Variants in RAG1 observed in about 807,000 individuals in gnomAD.
RAG1 encodes the protein recombination activating 1.
RAG1 carries 35 observed loss-of-function variants against 62.7 expected under a neutral mutation model. The ratio of observed to expected loss-of-function variants is 0.56; its 90% CI spans 0.43 to 0.74. The LOEUF (loss-of-function observed/expected upper bound fraction) is 0.74, where lower values mean the gene tolerates loss of function less well. RAG1 is among the 30% of genes least tolerant of loss of function. The probability of loss-of-function intolerance (pLI) is 0.00; values close to 1 mark genes in which losing one functional copy is unlikely to be tolerated. For synonymous variants in RAG1, 461 were observed against 470.3 expected (o/e 0.98, Z 0.26); for missense variants, 1,169 against 1,278.6 (o/e 0.91, Z 1.31).
intron 3 of RAG1, among the ~76,000 whole-genome samples, chr11:36,548,331 A>G (rs557854891): frequency 1.3e-5 from 2 of 152,344 alleles, no homozygotes; most frequent in Non-Finnish European, 2.9e-5. Flanking sequence ...GAGGAAGTCA[A>G]ATTGTCTCTG....
chr11:36,575,299 G>C lies in RAG1; in HGVS notation c.1995G>C (p.Glu665Asp). ...CATTGTGCCTTATGCTGGCAGATGA[G>C]TCTGACCACGAGACGCTGACTGCCA... Reference protein sequence around the residue: ...CKPLCLMLADESDHETLTAIL... With the variant: ...CKPLCLMLADDSDHETLTAIL... The change falls in exon 2 of 2, where the codon GAG becomes GAC. Residue 665 changes from glutamate (E) to aspartate (D), a missense_variant. By Grantham distance (45) the Glu-to-Asp change is conservative. Coordinates refer to ENST00000299440, the MANE Select transcript of RAG1 (RefSeq NM_000448.3). The surrounding 1 kb of genome is among the most constrained non-coding windows in gnomAD (Gnocchi z 4.1). 6.2e-7 allele frequency: 1 copy of C among 1,614,216 alleles called. No individual in the cohort carries two copies. Among genetic ancestry groups the C allele is most frequent in the Non-Finnish European group, 8.5e-7 (1 of 1,180,034 alleles).
chr11:36,536,598 T>C (rs1860329728), downstream of RAG1, among the ~76,000 whole-genome samples: 1 of 146,658 alleles, frequency 6.8e-6, no homozygotes, highest in South Asian at 2.2e-4. Context: ...AAACATTTTG[T>C]ATGTGTAATA....
intron 3 of RAG1, among the ~76,000 whole-genome samples, chr11:36,557,658 A>G (rs1456353065): frequency 6.7e-6 from 1 of 149,274 alleles, no homozygotes; most frequent in Non-Finnish European, 1.5e-5. Flanking sequence ...TTCTTTAAAG[A>G]GTTCAAATGC....
intron 2 of RAG1, among the ~76,000 whole-genome samples, chr11:36,535,476 G>C (rs1389572720): frequency 6.6e-6 from 1 of 152,084 alleles, no homozygotes; most frequent in Non-Finnish European, 1.5e-5. Context: ...TCACATATAG[G>C]CCAGATGTGA....
intron 2 of RAG1, among the ~76,000 whole-genome samples, chr11:36,531,935 G>A (rs550749923): frequency 6.6e-5 from 10 of 151,750 alleles, no homozygotes; most frequent in Non-Finnish European, 1.5e-4. Context: ...GCATGATGTT[G>A]CGTTTTAGAT....
chr11:36,557,690 T>A (rs997563968), intron 3 of RAG1, among the ~76,000 whole-genome samples: 1 of 152,176 alleles, frequency 6.6e-6, no homozygotes, highest in Non-Finnish European at 1.5e-5. Flanking sequence ...GAGGTACTGG[T>A]GGTTAGAAAT....
intron 3 of RAG1, among the ~76,000 whole-genome samples, chr11:36,562,788 G>C (rs1299046225): frequency 6.6e-6 from 1 of 152,160 alleles, no homozygotes; most frequent in African/African-American, 2.4e-5. Context: ...ATGGTATGGA[G>C]GCTTGAAGTA....
chr11:36,571,948 A>T (rs530741088), intron 1 of RAG1, among the ~76,000 whole-genome samples: 1 of 152,280 alleles, frequency 6.6e-6, no homozygotes, highest in South Asian at 2.1e-4. Flanking sequence ...TGTGTGATGC[A>T]TGTAAGATAG....
intron 3 of RAG1, among the ~76,000 whole-genome samples, chr11:36,548,634 A>G (rs1000695461): frequency 2.0e-5 from 3 of 152,238 alleles, no homozygotes; most frequent in Non-Finnish European, 2.9e-5. Flanking sequence ...GACACAAACA[A>G]ATGGCAAAAC....
At position 36,575,579 on chromosome 11, in the gene RAG1, C is replaced by T. The variant is rs749027430; in HGVS notation, c.2275C>T (p.Arg759Cys). ...CAGAAGCCATGCTGAGAACCTGGAACGTTATGAGGTCTGGCGTTCCAACCC... is the reference window on the plus strand; with the variant it reads ...CAGAAGCCATGCTGAGAACCTGGAATGTTATGAGGTCTGGCGTTCCAACCC... The part of the protein sequence containing the change: ...ITRSHAENLE[R>C]YEVWRSNPYH... The change falls in exon 2 of 2, where the codon CGT becomes TGT. Residue 759 changes from arginine (R) to cysteine (C), a missense_variant. Around this residue, in one of 2 missense-constraint regions of RAG1, gnomAD observed 800 missense variants for 943.3 expected, o/e 0.85. Coordinates refer to ENST00000299440, the MANE Select transcript of RAG1 (RefSeq NM_000448.3). This position sits in a 1 kb window ranked among gnomAD's most constrained non-coding sequence, Gnocchi z 4.1. 5.0e-6 allele frequency: 8 copies of T among 1,614,184 alleles called. No individual in the cohort carries two copies. Among genetic ancestry groups the T allele is most frequent in the South Asian group, 1.1e-5 (1 of 91,082 alleles).
At chr11:36,513,930 T>C (rs547404171) in intron 1 of RAG1, among the ~76,000 whole-genome samples, 4 of 152,150 alleles carry the variant, frequency 2.6e-5, no homozygotes, top group Admixed American at 6.5e-5. Context: ...GAGATTTGGG[T>C]GGGGACAGAG....
intron 2 of RAG1, among the ~76,000 whole-genome samples, chr11:36,523,188 C>A (rs997811277): frequency 7.9e-5 from 12 of 152,172 alleles, no homozygotes; most frequent in Non-Finnish European, 2.9e-5. Context: ...TGTGTCCTCA[C>A]CCAAACCTCA....
rs569174876 is a variant in RAG1 at position 36,533,324 on chromosome 11, A to T, written n.429-2635A>T. Among the ~76,000 whole-genome samples, 8 of 152,294 alleles carry T rather than the reference A, an allele frequency of 5.3e-5. No homozygotes were observed. In the South Asian group the frequency reaches 1.7e-3, roughly 32 times the overall value. On this transcript the variant is annotated intron_variant and non_coding_transcript_variant, in intron 2 of 2. Coordinates refer to the RAG1 transcript ENST00000529126. ...CCTGAGCCTTGCGAGATCAGCTTACAATGAATCCTCAGCTTATATTGCCCT... is the reference window on the plus strand; with the variant it reads ...CCTGAGCCTTGCGAGATCAGCTTACTATGAATCCTCAGCTTATATTGCCCT...
At chr11:36,542,779 G>A (rs1034236071) in intron 3 of RAG1, among the ~76,000 whole-genome samples, 2 of 152,072 alleles carry the variant, frequency 1.3e-5, no homozygotes, top group African/African-American at 2.4e-5. Flanking sequence ...AGCTTGGGGC[G>A]ATAAACCATG....
At position 36,576,714 on chromosome 11, in the gene RAG1, GC is replaced by G; in HGVS notation, c.*279del. On this transcript the variant is annotated 3_prime_UTR_variant, in exon 2 of 2. Coordinates refer to ENST00000299440, the MANE Select transcript of RAG1 (RefSeq NM_000448.3). ...AGTAACTGCAGGGGACCAGAGATGA[GC>G]AAAGATCTGTGTGTGTTGGGGAGCT... The G allele has an allele frequency of 2.2e-6, 1 of 460,682 alleles. No individual in the cohort carries two copies. Among genetic ancestry groups the G allele is most frequent in the Non-Finnish European group, 4.1e-6 (1 of 242,880 alleles). The allele number at this position is 460,682 out of a possible 1,614,324, so 28.5% of individuals were successfully genotyped here.
intron 1 of RAG1, among the ~76,000 whole-genome samples, chr11:36,572,767 C>T (rs1850768137): frequency 6.6e-6 from 1 of 152,152 alleles, no homozygotes; most frequent in Non-Finnish European, 1.5e-5. Flanking sequence ...TTTGGGTTTG[C>T]AGCTTTATCA....
upstream of RAG1, among the ~76,000 whole-genome samples, chr11:36,563,212 A>G (rs1850615560): frequency 6.6e-6 from 1 of 152,260 alleles, no homozygotes; most frequent in South Asian, 2.1e-4. Flanking sequence ...GTCTGTGTTC[A>G]TACTTCTGGA....
At chr11:36,520,233 A>T (rs1860057832) in intron 2 of RAG1, 1 of 152,140 alleles carries the variant, frequency 6.6e-6, no homozygotes. Context: ...GGGAAATGTG[A>T]GTCATATGTT....
chr11:36,577,626 A>ATT lies in RAG1; in HGVS notation c.*1194_*1195dup, dbSNP rs1386598474. On this transcript the variant is annotated 3_prime_UTR_variant, in exon 2 of 2. Coordinates refer to ENST00000299440, the MANE Select transcript of RAG1 (RefSeq NM_000448.3). ...ACCACTGTGGAATGTTTTCACACTC[A>ATT]TTTTTCCTTACAACAATTCTGAGGA... 1.8e-5 allele frequency: 3 copies of ATT among 167,130 alleles called. No homozygotes were observed. Among genetic ancestry groups the ATT allele is most frequent in the African/African-American group, 7.2e-5 (3 of 41,566 alleles). 10.4% of individuals were successfully genotyped at this position (167,130 alleles called of 1,614,324 possible). A position where few individuals can be genotyped will look rare whatever the true frequency, so the allele number is the denominator to read the frequency against.
Sources: allele counts gnomAD v4.1 joint callset (sites outside exome capture counted in the v4.1 genomes callset), GRCh38; gene constraint gnomAD v4.1.1; regional missense constraint gnomAD v4.1.1; non-coding constraint Gnocchi (gnomAD v3.1); transcripts MANE v1.5; gene names NCBI Gene and HGNC (gene_info 2026-07-23, HGNC 2026-07-21).